EIPR1: variants seen among roughly 807,000 people sequenced by gnomAD.
EIPR1 encodes the protein EARP and GARP complex-interacting protein 1.
EIPR1 carries 25 observed loss-of-function variants against 48.1 expected under a neutral mutation model. The ratio of observed to expected loss-of-function variants is 0.52; its 90% CI spans 0.38 to 0.73. The LOEUF (loss-of-function observed/expected upper bound fraction) is 0.73. EIPR1 is among the 30% of genes least tolerant of loss of function. EIPR1 has a pLI of 0.00. For missense variants in EIPR1, 415 were observed against 506.2 expected, an observed-to-expected ratio of 0.82 and a Z score of 1.73; for synonymous variants, 204 against 201.9, an observed-to-expected ratio of 1.01 and a Z score of -0.09.
intron 3 of EIPR1, among the ~76,000 whole-genome samples, chr2:3,271,208 C>T (rs1019201135): frequency 1.3e-5 from 2 of 152,206 alleles, no homozygotes; most frequent in African/African-American, 4.8e-5. Flanking sequence ...GTTACTTTCT[C>T]CATGCAAGTC....
At chr2:3,278,126 A>C (rs1386915279) in intron 3 of EIPR1, among the ~76,000 whole-genome samples, 1 of 151,776 alleles carries the variant, frequency 6.6e-6, no homozygotes, top group African/African-American at 2.4e-5. Context: ...CCCCAGGCTC[A>C]CTCAGTCTGT....
At chr2:3,205,723 G>T (rs1665210179) in intron 5 of EIPR1, among the ~76,000 whole-genome samples, 1 of 152,188 alleles carries the variant, frequency 6.6e-6, no homozygotes, top group African/African-American at 2.4e-5. Context: ...GAACGTGAAT[G>T]CCCCGAGCTT....
chr2:3,267,711 C>T (rs1254708370), intron 3 of EIPR1, among the ~76,000 whole-genome samples: 5 of 152,268 alleles, frequency 3.3e-5, no homozygotes, highest in Non-Finnish European at 5.9e-5. Context: ...CTGGGGCCAA[C>T]ATGCTGTGCC....
chr2:3,320,511 A>G (rs911531935), intron 3 of EIPR1: 3 of 152,594 alleles, frequency 2.0e-5, no homozygotes, highest in African/African-American at 7.2e-5. Context: ...TTGCTAGGCT[A>G]TGTTAACATT....
intron 4 of EIPR1, among the ~76,000 whole-genome samples, chr2:3,245,367 C>T (rs1042826422): frequency 2.6e-5 from 4 of 152,148 alleles, no homozygotes; most frequent in African/African-American, 4.8e-5. Context: ...CAGCCATCAC[C>T]GTGCCCAGCT....
intron 3 of EIPR1, among the ~76,000 whole-genome samples, chr2:3,337,776 T>C (rs939626217): frequency 3.3e-5 from 5 of 152,196 alleles, no homozygotes; most frequent in African/African-American, 1.2e-4. Context: ...TGTACTCCCC[T>C]GATCAAGGGG....
chr2:3,286,403 G>A lies in EIPR1; in HGVS notation c.260-28948C>T, dbSNP rs766112677. Among the ~76,000 whole-genome samples, 190 of 152,170 alleles carry A rather than the reference G, an allele frequency of 1.2e-3. 3 individuals are homozygous for A. Among genetic ancestry groups the A allele is most frequent in the Non-Finnish European group, 2.9e-4 (20 of 68,022 alleles). On this transcript the variant is annotated intron_variant, in intron 3 of 8. Transcript: ENST00000382125. The surrounding 1 kb of genome is among the most constrained non-coding windows in gnomAD (Gnocchi z 4.2). ...TGCCAGATTCCAGGAAGCCCCAGGA[G>A]TGGGCCCAGAAGGAGCAGTGCCAAG...
chr2:3,256,711 C>G (rs1667167544), intron 4 of EIPR1, among the ~76,000 whole-genome samples: 1 of 152,220 alleles, frequency 6.6e-6, no homozygotes, highest in African/African-American at 2.4e-5. Flanking sequence ...ACCAAGGCCT[C>G]AGGGCCTTCA....
rs181149985 is a variant in EIPR1 at position 3,318,530 on chromosome 2, T to C, written c.259+19487A>G. 1.6e-3 allele frequency among the ~76,000 whole-genome samples: 251 copies of C among 152,202 alleles called. 1 individual carries two copies. The highest frequency in any genetic ancestry group is 6.0e-3 in the African/African-American group (249 of 41,508). On this transcript the variant is annotated intron_variant, in intron 3 of 8. Transcript: ENST00000382125. ...ATACAAACGGGATCTGAAGAGTCAG[T>C]GAGGAACGCAAGAAACAACACAGGA...
intron 1 of EIPR1, among the ~76,000 whole-genome samples, chr2:3,368,259 C>T (rs1281759050): frequency 1.3e-5 from 2 of 152,160 alleles, no homozygotes; most frequent in South Asian, 2.1e-4. Context: ...AAAGGAGGCA[C>T]GCATATCCTT....
intron 4 of EIPR1, among the ~76,000 whole-genome samples, chr2:3,215,793 T>C (rs1258095140): frequency 1.3e-5 from 2 of 152,248 alleles, no homozygotes; most frequent in Middle Eastern, 3.2e-3. Context: ...TATTATTACT[T>C]GTAATCACAA....
At chr2:3,240,259 A>AG (rs1666560803) in intron 4 of EIPR1, among the ~76,000 whole-genome samples, 1 of 145,314 alleles carries the variant, frequency 6.9e-6, no homozygotes, top group Admixed American at 6.9e-5. Context: ...AAGCCAGCAG[A>AG]CTCTTCCTCA....
intron 3 of EIPR1, among the ~76,000 whole-genome samples, chr2:3,288,592 C>A (rs548435988): frequency 6.6e-6 from 1 of 152,174 alleles, no homozygotes; most frequent in Admixed American, 6.5e-5. Flanking sequence ...AGGGCAGATG[C>A]GGCCTGGAAT....
intron 6 of EIPR1, among the ~76,000 whole-genome samples, chr2:3,195,625 C>T (rs372089294): frequency 1.3e-5 from 2 of 152,232 alleles, no homozygotes; most frequent in East Asian, 3.9e-4. Context: ...GGCAAATTCC[C>T]GGGGAACTAG....
chr2:3,317,863 G>A (rs971840256), intron 3 of EIPR1, among the ~76,000 whole-genome samples: 1 of 152,202 alleles, frequency 6.6e-6, no homozygotes, highest in African/African-American at 2.4e-5. Flanking sequence ...GCCTCAGGAG[G>A]ACCAGCCCTG....
rs769041044 is a variant in EIPR1, at chr2:3,257,385, G to C, written c.330C>G (p.His110Gln). ...RMPKELESGS[H>Q]ESPDDSSSTA... ...TGCTGGATGAATCATCAGGGGACTC[G>C]TGGCTGCCTGATTCCAATTCCTTCG... is the stretch of plus-strand genomic sequence containing the variant. The change falls in exon 4 of 9, where the codon CAC (histidine) becomes CAG (glutamine). Residue 110 changes from histidine to glutamine, a missense_variant. His to Gln is a conservative substitution (Grantham distance 24, BLOSUM62 0). Coordinates refer to ENST00000382125, the MANE Select transcript of EIPR1 (RefSeq NM_003310.5). The C allele has an allele frequency of 1.9e-6, 3 of 1,614,154 alleles. No individual in the cohort carries two copies. The highest frequency in any genetic ancestry group is 1.7e-5 in the Admixed American group (1 of 60,020).
intron 4 of EIPR1, among the ~76,000 whole-genome samples, chr2:3,226,375 C>T (rs6719308): frequency 0.51 from 77,922 of 152,014 alleles, 20,457 homozygotes; most frequent in East Asian, 0.77. Context: ...TGGTTAGTGA[C>T]GTTGAGCACG....
At chr2:3,352,199 C>G (rs56393187) in intron 2 of EIPR1, among the ~76,000 whole-genome samples, 6 of 145,452 alleles carry the variant, frequency 4.1e-5, no homozygotes, top group Non-Finnish European at 7.5e-5. Flanking sequence ...CATATCCATG[C>G]TACAGAAGCG....
At chr2:3,337,969 C>T (rs749626958) in intron 3 of EIPR1, 48 bp downstream of exon 3, 2 of 1,553,688 alleles carry the variant, frequency 1.3e-6, no homozygotes, top group Non-Finnish European at 8.6e-7. Flanking sequence ...TTAGGAAATA[C>T]CTCCAGTTAC....
Sources: allele counts gnomAD v4.1 joint callset (sites outside exome capture counted in the v4.1 genomes callset), GRCh38; gene constraint gnomAD v4.1.1; non-coding constraint Gnocchi (gnomAD v3.1); transcripts MANE v1.5; gene names NCBI Gene and HGNC (gene_info 2026-07-23, HGNC 2026-07-21).